The following RERG variants were observed in gnomAD, a reference collection of about 807,000 sequenced individuals.
RERG encodes the protein ras-related and estrogen-regulated growth inhibitor.
In RERG, 25 loss-of-function variants were observed where a neutral mutation model predicts 23.2. That is an observed-to-expected ratio of 1.08 (90% CI 0.79 to 1.50). RERG has a LOEUF of 1.50. Ranked by LOEUF, RERG falls within the 40% of genes most tolerant of loss-of-function variation. The probability of loss-of-function intolerance (pLI) is 0.00; values close to 1 mark genes in which losing one functional copy is unlikely to be tolerated. For synonymous variants in RERG, 81 were observed against 89.1 expected (o/e 0.91, Z 0.51); for missense variants, 253 against 250.1 (o/e 1.01, Z -0.08).
chr12:15,161,719 A>G (rs559460519), intron 2 of RERG, among the ~76,000 whole-genome samples: 2 of 152,332 alleles, frequency 1.3e-5, no homozygotes, highest in African/African-American at 2.4e-5. Context: ...CATGCAGCTT[A>G]CTATCTGGTG....
At chr12:15,141,857 C>A (rs756885781) in intron 2 of RERG, among the ~76,000 whole-genome samples, 2 of 152,172 alleles carry the variant, frequency 1.3e-5, no homozygotes, top group Non-Finnish European at 2.9e-5. Context: ...ATTATTCTTG[C>A]GTCTTCAATA....
chr12:15,175,495 C>A (rs1864838417), intron 2 of RERG, among the ~76,000 whole-genome samples: 1 of 151,856 alleles, frequency 6.6e-6, no homozygotes, highest in Middle Eastern at 3.4e-3. Flanking sequence ...GAGACTGGGG[C>A]CGTCTCAGGT....
chr12:15,138,994 G>A (rs1864189363), intron 2 of RERG, among the ~76,000 whole-genome samples: 2 of 98,008 alleles, frequency 2.0e-5, no homozygotes, highest in African/African-American at 7.6e-5. Flanking sequence ...TTTTGTGAAA[G>A]TTGTTCACCT....
intron 2 of RERG, among the ~76,000 whole-genome samples, chr12:15,207,299 G>A (rs1325313751): frequency 6.6e-6 from 1 of 151,984 alleles, no homozygotes; most frequent in African/African-American, 2.4e-5. Flanking sequence ...AAAGGCTCCC[G>A]ATGCACCAGG....
intron 2 of RERG, among the ~76,000 whole-genome samples, chr12:15,143,222 C>T (rs1254305651): frequency 1.3e-5 from 2 of 152,102 alleles, no homozygotes; most frequent in South Asian, 2.1e-4. Context: ...ATGAGATTTT[C>T]CCTAGAAAAC....
At chr12:15,143,792 G>A (rs1864282176) in intron 2 of RERG, among the ~76,000 whole-genome samples, 1 of 152,190 alleles carries the variant, frequency 6.6e-6, no homozygotes, top group Admixed American at 6.5e-5. Flanking sequence ...GAAGAAAGAG[G>A]AGTTGGAGGG....
chr12:15,198,783 T>C lies in RERG; in HGVS notation c.61+18646A>G, dbSNP rs149365698. ...CCCTTTCCCCTATCCTCAAAGCCAG[T>C]AACCTTATATTTCTGCGACCATTCT... is the stretch of plus-strand genomic sequence containing the variant. On this transcript the variant is annotated intron_variant, in intron 2 of 4. Transcript: ENST00000256953. Among the ~76,000 whole-genome samples, 325 of 152,272 alleles carry C rather than the reference T, an allele frequency of 2.1e-3. 1 individual carries two copies. The highest frequency in any genetic ancestry group is 7.2e-3 in the African/African-American group (298 of 41,566).
chr12:15,193,873 C>T (rs1301904708), intron 2 of RERG, among the ~76,000 whole-genome samples: 1 of 152,042 alleles, frequency 6.6e-6, no homozygotes, highest in Non-Finnish European at 1.5e-5. Context: ...TGTGTTATTT[C>T]CTAAGTTTCA....
chr12:15,161,335 A>C (rs1454139658), intron 2 of RERG, among the ~76,000 whole-genome samples: 1 of 152,168 alleles, frequency 6.6e-6, no homozygotes, highest in Non-Finnish European at 1.5e-5. Context: ...CCCAAGGAAA[A>C]CATCAGTCAA....
At chr12:15,218,961 T>C (rs1865480636) in intron 1 of RERG, among the ~76,000 whole-genome samples, 3 of 152,112 alleles carry the variant, frequency 2.0e-5, no homozygotes, top group Admixed American at 2.0e-4. Context: ...ATTTTCACTA[T>C]CGTTAATCTG....
intron 2 of RERG, among the ~76,000 whole-genome samples, chr12:15,139,568 C>A (rs1444124242): frequency 6.6e-6 from 1 of 152,156 alleles, no homozygotes; most frequent in Non-Finnish European, 1.5e-5. Context: ...ATTTAATTTT[C>A]TTTGTGCTGT....
intron 2 of RERG, among the ~76,000 whole-genome samples, chr12:15,211,509 T>C (rs937569185): frequency 2.0e-5 from 3 of 152,052 alleles, no homozygotes; most frequent in African/African-American, 7.2e-5. Context: ...AGTGGAACAG[T>C]GGTTAACGTC....
Position 15,123,488 on chromosome 12 carries a change from AAT to A in RERG, c.62-2371_62-2370del, listed in dbSNP as rs896916753. Among the ~76,000 whole-genome samples the A allele has an allele frequency of 6.2e-3, 913 of 147,236 alleles. 5 individuals carry two copies. The highest frequency in any genetic ancestry group is 0.01 in the Non-Finnish European group (687 of 66,924). ...AAAAAGTTATATATATTATTATATA[AAT>A]ATATATATATTCAAAACAGTTGTTT... On this transcript the variant is annotated intron_variant, in intron 2 of 4. Coordinates refer to ENST00000256953, the MANE Select transcript of RERG (RefSeq NM_032918.3).
chr12:15,188,850 C>G (rs746871027), intron 2 of RERG, among the ~76,000 whole-genome samples: 52 of 152,124 alleles, frequency 3.4e-4, no homozygotes, highest in Non-Finnish European at 6.8e-4. Context: ...GCTTTCTGTT[C>G]TCTATGGGCA....
At chr12:15,154,734 G>A (rs973076886) in intron 2 of RERG, among the ~76,000 whole-genome samples, 4 of 152,088 alleles carry the variant, frequency 2.6e-5, no homozygotes, top group South Asian at 2.1e-4. Flanking sequence ...AATCTCACTC[G>A]GCAATCATAT....
At chr12:15,159,718 T>G (rs1283262602) in intron 2 of RERG, among the ~76,000 whole-genome samples, 1 of 151,986 alleles carries the variant, frequency 6.6e-6, no homozygotes, top group Non-Finnish European at 1.5e-5. Context: ...CAGCTGCTTG[T>G]GAGGCTGAGG....
At chr12:15,180,529 G>A (rs550235590) in intron 2 of RERG, among the ~76,000 whole-genome samples, 1 of 152,278 alleles carries the variant, frequency 6.6e-6, no homozygotes, top group South Asian at 2.1e-4. Context: ...TCTGGAGACT[G>A]TAGCCAAGAA....
At position 15,192,656 on chromosome 12, in the gene RERG, A is replaced by G. The variant is rs75521160; in HGVS notation, c.61+24773T>C. The stretch of plus-strand genomic sequence containing the variant: ...AACTGGATTTCACCAGTTTTTTCCA[A>G]TAATGCTGTTTTTTTCTCTTTCCAG... On this transcript the variant is annotated intron_variant, in intron 2 of 4. Transcript: ENST00000256953. Among the ~76,000 whole-genome samples the G allele has an allele frequency of 2.3e-3, 349 of 152,248 alleles. 1 individual carries two copies. Among genetic ancestry groups the G allele is most frequent in the African/African-American group, 7.8e-3 (326 of 41,564 alleles).
chr12:15,118,367 T>C (rs1232908896), intron 3 of RERG, among the ~76,000 whole-genome samples: 1 of 152,188 alleles, frequency 6.6e-6, no homozygotes, highest in African/African-American at 2.4e-5. Context: ...GAGTAACAAT[T>C]CTGTTCCAGG....
Sources: gnomAD v4.1 joint callset for allele counts (sites outside exome capture counted in the v4.1 genomes callset) on GRCh38, gnomAD v4.1.1 for gene constraint, MANE v1.5 for transcripts, NCBI Gene and HGNC (gene_info 2026-07-23, HGNC 2026-07-21) for gene names.